Variants in COL6A6 observed in about 807,000 individuals in gnomAD.
COL6A6 encodes collagen type VI alpha 6 chain.
In COL6A6, 183 loss-of-function variants were observed where a neutral mutation model predicts 208.6. That is an observed-to-expected ratio of 0.88 (90% CI 0.78 to 0.99). COL6A6 has a LOEUF of 0.99. Among genes scored for constraint, COL6A6 ranks in the 50% least tolerant of loss-of-function variants. The pLI is 0.00. For synonymous variants in COL6A6, 973 were observed against 1,011.8 expected, an observed-to-expected ratio of 0.96 and a Z score of 0.73; for missense variants, 2,816 against 2,815.2, an observed-to-expected ratio of 1.00 and a Z score of -0.01.
chr3:130,561,304 T>C (rs1253143957), intron 2 of COL6A6, among the ~76,000 whole-genome samples: 8 of 152,248 alleles, frequency 5.3e-5, no homozygotes, highest in Non-Finnish European at 1.0e-4. Context: ...TTCACAGGGT[T>C]TCAGGCTTCT....
chr3:130,567,815 C>A (rs746409347), intron 5 of COL6A6, among the ~76,000 whole-genome samples: 2 of 152,074 alleles, frequency 1.3e-5, no homozygotes, highest in Non-Finnish European at 2.9e-5. Flanking sequence ...AAAATGATAC[C>A]CAAGATGTCA....
intron 36 of COL6A6, among the ~76,000 whole-genome samples, chr3:130,673,220 A>AAAAAACAAAAACC: frequency 1.5e-5 from 2 of 129,638 alleles, no homozygotes; most frequent in African/African-American, 5.8e-5. Flanking sequence ...AAAAAAACAA[A>AAAAAACAAAAACC]AAAAAAAAAC....
chr3:130,535,420 A>G (rs1026395142), intron 1 of COL6A6, among the ~76,000 whole-genome samples: 1 of 151,740 alleles, frequency 6.6e-6, no homozygotes, highest in African/African-American at 2.4e-5. Context: ...GCTTTCTATC[A>G]TCTCTTTAAG....
chr3:130,622,865 GA>G (rs1231879642), intron 24 of COL6A6, among the ~76,000 whole-genome samples: 2 of 151,552 alleles, frequency 1.3e-5, no homozygotes, highest in Non-Finnish European at 2.9e-5. Context: ...TCAAAGAAAA[GA>G]AAATACAGAC....
chr3:130,556,181 C>T (rs2062763707), intron 1 of COL6A6, among the ~76,000 whole-genome samples: 1 of 152,202 alleles, frequency 6.6e-6, no homozygotes, highest in Non-Finnish European at 1.5e-5. Context: ...TAATGGCCTA[C>T]CGTTCCATCC....
chr3:130,557,261 T>A (rs1229011888), intron 1 of COL6A6, among the ~76,000 whole-genome samples: 1 of 152,234 alleles, frequency 6.6e-6, no homozygotes, highest in Non-Finnish European at 1.5e-5. Context: ...AAAGCTCCTT[T>A]TTGTAATTCC....
intron 19 of COL6A6, among the ~76,000 whole-genome samples, chr3:130,599,337 A>G (rs967250491): frequency 2.0e-5 from 3 of 152,184 alleles, no homozygotes; most frequent in African/African-American, 4.8e-5. Flanking sequence ...ATGAGACTTT[A>G]TTTACAGTAA....
chr3:130,560,508 CAA>C, intron 2 of COL6A6, 80 bp downstream of exon 2: 1 of 1,265,006 alleles, frequency 7.9e-7, no homozygotes, highest in Non-Finnish European at 1.1e-6. Flanking sequence ...TTAAAAGTTA[CAA>C]GTTTTGTATC....
intron 26 of COL6A6, among the ~76,000 whole-genome samples, chr3:130,627,951 A>C (rs2064940651): frequency 6.6e-6 from 1 of 152,190 alleles, no homozygotes; most frequent in South Asian, 2.1e-4. Flanking sequence ...AAATACAAAA[A>C]ACATAATATA....
intron 28 of COL6A6, among the ~76,000 whole-genome samples, chr3:130,637,264 G>C (rs2065186442): frequency 6.7e-6 from 1 of 149,010 alleles, no homozygotes; most frequent in South Asian, 2.2e-4. Context: ...AATTAATCCA[G>C]ATGTCATCTG....
chr3:130,518,737 C>G (rs1441658521), intron 1 of COL6A6, among the ~76,000 whole-genome samples: 1 of 152,104 alleles, frequency 6.6e-6, no homozygotes, highest in African/African-American at 2.4e-5. Context: ...AACTCCTGAC[C>G]TTAGGTGATC....
intron 23 of COL6A6, among the ~76,000 whole-genome samples, chr3:130,617,813 C>A (rs975460517): frequency 1.3e-5 from 2 of 152,150 alleles, no homozygotes; most frequent in Admixed American, 1.3e-4. Context: ...ACACCCTGTA[C>A]CTCTTCTACC....
intron 33 of COL6A6, among the ~76,000 whole-genome samples, chr3:130,655,430 C>A (rs1166758498): frequency 1.3e-5 from 2 of 152,096 alleles, no homozygotes; most frequent in Admixed American, 6.5e-5. Context: ...GGATGCAATC[C>A]TATTAATTAC....
At chr3:130,673,310 G>T (rs2108500474) in intron 36 of COL6A6, among the ~76,000 whole-genome samples, 1 of 151,062 alleles carries the variant, frequency 6.6e-6, no homozygotes. Context: ...TCAACCTTTT[G>T]AGAATAAAAA....
At chr3:130,571,968 C>T (rs2063178444) in intron 7 of COL6A6, among the ~76,000 whole-genome samples, 1 of 151,162 alleles carries the variant, frequency 6.6e-6, no homozygotes, top group African/African-American at 2.4e-5. Flanking sequence ...CAAGTGTGGG[C>T]CACTACACTG....
At chr3:130,518,261 G>A (rs558760958) in intron 1 of COL6A6, among the ~76,000 whole-genome samples, 22 of 152,262 alleles carry the variant, frequency 1.4e-4, no homozygotes, top group African/African-American at 4.8e-4. Flanking sequence ...AACACTTGTG[G>A]CAGGAAGGAT....
At chr3:130,665,232 T>C in intron 36 of COL6A6, 136 bp downstream of exon 36, 1 of 580,066 alleles carries the variant, frequency 1.7e-6, no homozygotes, top group South Asian at 2.5e-5. Context: ...GATATTAAAA[T>C]ATAATTCGAA....
chr3:130,636,475 T>G (rs531805494), intron 28 of COL6A6, among the ~76,000 whole-genome samples: 1 of 152,202 alleles, frequency 6.6e-6, no homozygotes, highest in East Asian at 1.9e-4. Flanking sequence ...GATAATTGTC[T>G]CTTGATACAG....
At chr3:130,527,619 G>T (rs546407092) in intron 1 of COL6A6, among the ~76,000 whole-genome samples, 5 of 152,320 alleles carry the variant, frequency 3.3e-5, no homozygotes, top group African/African-American at 1.2e-4. Context: ...TTGGCACTCT[G>T]CCTTTCTAAT....
Sources: allele counts gnomAD v4.1 joint callset (sites outside exome capture counted in the v4.1 genomes callset), GRCh38; gene constraint gnomAD v4.1.1; transcripts MANE v1.5; gene names NCBI Gene and HGNC (gene_info 2026-07-23, HGNC 2026-07-21).